The following GRID2IP variants were observed in gnomAD, a reference collection of about 807,000 sequenced individuals.
GRID2IP encodes Grid2 interacting protein.
Under a neutral mutation model 114.3 loss-of-function variants are expected in GRID2IP, and 78 were observed. That is an observed-to-expected ratio of 0.68 (90% confidence interval 0.57 to 0.82). The LOEUF is 0.82. Ranked by LOEUF, GRID2IP falls within the 40% of genes least tolerant of loss-of-function variation. The probability of loss-of-function intolerance (pLI) is 0.00; values close to 1 mark genes in which losing one functional copy is unlikely to be tolerated. For missense variants in GRID2IP, 1,727 were observed against 1,678.5 expected, an observed-to-expected ratio of 1.03 and a Z score of -0.51; for synonymous variants, 809 against 724.0, an observed-to-expected ratio of 1.12 and a Z score of -1.89.
chr7:6,517,860 G>T (rs1311104661), intron 7 of GRID2IP, among the ~76,000 whole-genome samples: 1 of 151,862 alleles, frequency 6.6e-6, no homozygotes, highest in Non-Finnish European at 1.5e-5. Context: ...CCAAGATCAT[G>T]CCACTGAACT....
chr7:6,520,800 G>C lies in GRID2IP; in HGVS notation c.1085-39C>G, dbSNP rs1779397393. The C allele has an allele frequency of 1.3e-6, 2 of 1,527,912 alleles. No individual in the cohort carries two copies. The highest frequency in any genetic ancestry group is 1.4e-5 in the African/African-American group (1 of 72,706). 94.6% of individuals were successfully genotyped at this position (1,527,912 alleles called of 1,614,324 possible). ...AGGCGGGAGAGGCATGAGTGACTCA[G>C]AGTCCCCAGGCCAGGTGTAGTCTCC... On this transcript the variant is annotated intron_variant, in intron 6 of 21. Transcript: ENST00000457091. The surrounding 1 kb of genome is among the most constrained non-coding windows in gnomAD (Gnocchi z 4.6).
chr7:6,527,589 GTC>G (rs1357035739), intron 2 of GRID2IP, among the ~76,000 whole-genome samples: 1 of 152,084 alleles, frequency 6.6e-6, no homozygotes, highest in African/African-American at 2.4e-5. Context: ...CTCTTTCTCT[GTC>G]TCTCTCGTTC....
rs1014649784 is a variant in GRID2IP at position 6,526,892 on chromosome 7, G to A, written c.585-123C>T. 4.5e-6 allele frequency: 5 copies of A among 1,114,110 alleles called. No homozygotes were observed. In the South Asian group the frequency reaches 7.4e-5, roughly 16 times the overall value. 69.0% of individuals were successfully genotyped at this position (1,114,110 alleles called of 1,614,324 possible). A position where few individuals can be genotyped will look rare whatever the true frequency, so the allele number is the denominator to read the frequency against. Reference sequence around the variant, plus strand: ...TCTCCCACCTCTTCCTAGGAGTGGCGGAGGGCTGGGGGGATCGGGATGAGC... The same window carrying A: ...TCTCCCACCTCTTCCTAGGAGTGGCAGAGGGCTGGGGGGATCGGGATGAGC... On this transcript the variant is annotated intron_variant, in intron 2 of 21. Transcript: ENST00000457091. This position sits in a 1 kb window ranked among gnomAD's most constrained non-coding sequence, Gnocchi z 7.6.
chr7:6,503,235 G>A, intron 16 of GRID2IP, 72 bp from the exon 17 acceptor site: 3 of 1,247,924 alleles, frequency 2.4e-6, no homozygotes, highest in South Asian at 3.1e-5. Flanking sequence ...AGGCTTTGGG[G>A]TGGGAGGGGG....
chr7:6,541,007 G>GT (rs930938164), intron 1 of GRID2IP, among the ~76,000 whole-genome samples: 2 of 151,682 alleles, frequency 1.3e-5, no homozygotes, highest in Non-Finnish European at 2.9e-5. Flanking sequence ...TGGCTAATCT[G>GT]TTTTTTTATA....
At position 6,536,161 on chromosome 7, in the gene GRID2IP, AG is replaced by A. The variant is rs940847442; in HGVS notation, c.584+3556del. ...CATGGGTGACTGGCCAGCCCTGGGG[AG>A]GGGGTTGTTGGGAAGTAGGGGGTTT... On this transcript the variant is annotated intron_variant, in intron 2 of 21. Coordinates refer to ENST00000457091, the MANE Select transcript of GRID2IP (RefSeq NM_001145118.2). This position sits in a 1 kb window ranked among gnomAD's most constrained non-coding sequence, Gnocchi z 5.3. Among the ~76,000 whole-genome samples, 317 of 151,934 alleles carry A rather than the reference AG, an allele frequency of 2.1e-3. 2 individuals carry two copies. Among genetic ancestry groups the A allele is most frequent in the African/African-American group, 7.3e-3 (304 of 41,410 alleles).
chr7:6,509,264 G>C lies in GRID2IP; in HGVS notation c.1821C>G (p.Pro607=). Residue 607 remains proline, a synonymous_variant, in exon 12 of 22, where the codon CCC becomes CCG. Coordinates refer to ENST00000457091, the MANE Select transcript of GRID2IP (RefSeq NM_001145118.2). The surrounding 1 kb of genome is among the most constrained non-coding windows in gnomAD (Gnocchi z 4.9). The stretch of plus-strand genomic sequence containing the variant: ...AACACAGCGGGTGGTAGCAGGGGGA[G>C]GGCAAGAGTCGCTCGCTGGGCCATG... The part of the protein sequence containing the change: ...GVSWPSERLL[P]SPCYHPLCSG... 1.3e-6 allele frequency: 2 copies of C among 1,528,634 alleles called. No homozygotes were observed. The highest frequency in any genetic ancestry group is 1.8e-6 in the Non-Finnish European group (2 of 1,135,628). The allele number at this position is 1,528,634 out of a possible 1,614,324, so 94.7% of individuals were successfully genotyped here.
intron 1 of GRID2IP, among the ~76,000 whole-genome samples, chr7:6,548,973 T>G (rs1285414204): frequency 6.6e-6 from 1 of 152,134 alleles, no homozygotes; most frequent in African/African-American, 2.4e-5. Context: ...GGCTCCGGAC[T>G]ATTTCCTAGT....
At chr7:6,518,897 A>G (rs534131161) in intron 7 of GRID2IP, among the ~76,000 whole-genome samples, 1 of 144,188 alleles carries the variant, frequency 6.9e-6, no homozygotes, top group East Asian at 2.0e-4. Flanking sequence ...ACAAAACATG[A>G]TATCAAGCAC....
rs1454902160 is a variant in GRID2IP at position 6,509,173 on chromosome 7, C to T, written c.1912G>A (p.Ala638Thr). ...CCGGGGCCTGGCTGTGGGGAGGGTG[C>T]CCTGCTGCTGTCCAGGCTGGCGTAG... The part of the protein sequence containing the change: ...HPYASLDSSR[A>T]PSPQPGPGPI... Residue 638 changes from alanine (A) to threonine (T), a missense_variant, in exon 12 of 22, where the codon GCA (alanine) becomes ACA (threonine). Transcript: ENST00000457091. The surrounding 1 kb of genome is among the most constrained non-coding windows in gnomAD (Gnocchi z 4.9). 10 of 1,473,688 alleles carry T rather than the reference C, an allele frequency of 6.8e-6. No homozygotes were observed. Among genetic ancestry groups the T allele is most frequent in the Non-Finnish European group, 7.2e-6 (8 of 1,110,572 alleles). 91.3% of individuals were successfully genotyped at this position (1,473,688 alleles called of 1,614,324 possible).
At chr7:6,544,442 G>T (rs1390938887) in intron 1 of GRID2IP, among the ~76,000 whole-genome samples, 1 of 151,528 alleles carries the variant, frequency 6.6e-6, no homozygotes, top group South Asian at 2.1e-4. Context: ...ACCACAACCA[G>T]CTAATGTTTT....
At position 6,510,143 on chromosome 7, in the gene GRID2IP, C is replaced by T. The variant is rs1002192521; in HGVS notation, c.1771+140G>A. The T allele has an allele frequency of 1.3e-5, 7 of 544,908 alleles. No individual in the cohort carries two copies. In the African/African-American group the frequency reaches 1.4e-4, roughly 11 times the overall value. 33.8% of individuals were successfully genotyped at this position (544,908 alleles called of 1,614,324 possible). On this transcript the variant is annotated intron_variant, in intron 11 of 21. Transcript: ENST00000457091. ...CGGTACCCAGGCTACTTTCTTGATC[C>T]ACAGCTGAGGTGAGGGTCACAGGGC... is the stretch of plus-strand genomic sequence containing the variant.
At position 6,542,711 on chromosome 7, in the gene GRID2IP, G is replaced by C. The variant is rs1373385990; in HGVS notation, c.430-2839C>G. Among the ~76,000 whole-genome samples, 5 of 152,154 alleles carry C rather than the reference G, an allele frequency of 3.3e-5. No individual in the cohort carries two copies. The East Asian group carries it at 9.6e-4, about 29-fold the overall frequency. On this transcript the variant is annotated intron_variant, in intron 1 of 21. Coordinates refer to ENST00000457091, the MANE Select transcript of GRID2IP (RefSeq NM_001145118.2). ...TGAAATAGGGAGTGATGGCTAAGGA[G>C]TGCAGAATTTCTTGTTAGAGTGATG...
chr7:6,550,016 G>A (rs1190147087), intron 1 of GRID2IP, among the ~76,000 whole-genome samples: 2 of 148,248 alleles, frequency 1.3e-5, no homozygotes, highest in African/African-American at 2.4e-5. Flanking sequence ...TTAGAGATGC[G>A]GTCTCACTCC....
chr7:6,510,427 C>T, intron 10 of GRID2IP, 27 bp from the exon 11 acceptor site: 1 of 1,469,956 alleles, frequency 6.8e-7, no homozygotes, highest in Non-Finnish European at 9.1e-7. Context: ...GAGAGTCCAG[C>T]CCATTCTGCT....
intron 2 of GRID2IP, among the ~76,000 whole-genome samples, chr7:6,533,713 G>A (rs866188631): frequency 1.4e-5 from 2 of 143,500 alleles, no homozygotes; most frequent in Non-Finnish European, 3.0e-5. Flanking sequence ...GTCTTGCTGT[G>A]TTGTCTAGGC....
rs902824010 is a variant in GRID2IP at position 6,516,468 on chromosome 7, A to G, written c.1269-1939T>C. ...CACGGTGAGAAGTGACCAAAAGACA[A>G]GAGTGTGAGCCCTCCGTTATGCCTG... On this transcript the variant is annotated intron_variant, in intron 7 of 21. Coordinates refer to ENST00000457091, the MANE Select transcript of GRID2IP (RefSeq NM_001145118.2). The surrounding 1 kb of genome is among the most constrained non-coding windows in gnomAD (Gnocchi z 4.3). 1.4e-5 allele frequency among the ~76,000 whole-genome samples: 2 copies of G among 145,094 alleles called. No homozygotes were observed. Among genetic ancestry groups the G allele is most frequent in the South Asian group, 2.1e-4 (1 of 4,670 alleles).
rs1786639808 is a variant in GRID2IP at position 6,507,859 on chromosome 7, C to T, written c.2544+126G>A. 4 of 1,408,674 alleles carry T rather than the reference C, an allele frequency of 2.8e-6. No homozygotes were observed. Among genetic ancestry groups the T allele is most frequent in the Admixed American group, 2.6e-5 (1 of 38,526 alleles). 87.3% of individuals were successfully genotyped at this position (1,408,674 alleles called of 1,614,324 possible). On this transcript the variant is annotated intron_variant, in intron 13 of 21. Transcript: ENST00000457091. The surrounding 1 kb of genome is among the most constrained non-coding windows in gnomAD (Gnocchi z 5.3). ...GGGACGTTCTTGGGCTGGGCCTCTA[C>T]TCATCCTCTGCTTGGGGTAGGGAGG...
chr7:6,508,866 A>G lies in GRID2IP; in HGVS notation c.2127+92T>C. On this transcript the variant is annotated intron_variant, in intron 12 of 21. Coordinates refer to ENST00000457091, the MANE Select transcript of GRID2IP (RefSeq NM_001145118.2). The surrounding 1 kb of genome is among the most constrained non-coding windows in gnomAD (Gnocchi z 5.6). ...GCCTGGGGAAGATCCCAAGGGCAGCAGGCCCCTTGCGGGAGCCCAGGAACA... is the reference window on the plus strand; with the variant it reads ...GCCTGGGGAAGATCCCAAGGGCAGCGGGCCCCTTGCGGGAGCCCAGGAACA... 1.4e-6 allele frequency: 2 copies of G among 1,473,726 alleles called. No homozygotes were observed. The highest frequency in any genetic ancestry group is 1.8e-6 in the Non-Finnish European group (2 of 1,114,304). The allele number at this position is 1,473,726 out of a possible 1,614,324, so 91.3% of individuals were successfully genotyped here. A position where few individuals can be genotyped will look rare whatever the true frequency, so the allele number is the denominator to read the frequency against.
Sources: allele counts gnomAD v4.1 joint callset (sites outside exome capture counted in the v4.1 genomes callset), GRCh38; gene constraint gnomAD v4.1.1; non-coding constraint Gnocchi (gnomAD v3.1); transcripts MANE v1.5; gene names NCBI Gene and HGNC (gene_info 2026-07-23, HGNC 2026-07-21).